The following SLC44A1 variants were observed in gnomAD, a reference collection of about 807,000 sequenced individuals.
SLC44A1 encodes the protein choline transporter-like protein 1.
SLC44A1 carries 26 observed loss-of-function variants against 79.3 expected under a neutral mutation model. The observed-to-expected ratio is 0.33, with a 90% CI of 0.24 to 0.46. The LOEUF (loss-of-function observed/expected upper bound fraction) is 0.46. SLC44A1 is among the 20% of genes least tolerant of loss of function. The pLI, the probability that SLC44A1 is intolerant of heterozygous loss-of-function variation, is 1.00. For missense variants in SLC44A1, 688 were observed against 798.1 expected (o/e 0.86, Z 1.66); for synonymous variants, 263 against 286.2 (o/e 0.92, Z 0.82).
chr9:105,366,412 C>A lies in SLC44A1; in HGVS notation c.1477C>A (p.Leu493Ile). 1.3e-6 allele frequency: 2 copies of A among 1,505,178 alleles called. No homozygotes were observed. The highest frequency in any genetic ancestry group is 1.3e-5 in the South Asian group (1 of 76,494). The allele number at this position is 1,505,178 out of a possible 1,614,324, so 93.2% of individuals were successfully genotyped here. Residue 493 changes from leucine (L) to isoleucine (I), a missense_variant, in exon 12 of 16, where the codon CTA becomes ATA. Physicochemically the swap from Leu to Ile is conservative, Grantham distance 5 (BLOSUM62 2). Coordinates refer to ENST00000374720, the MANE Select transcript of SLC44A1 (RefSeq NM_080546.5). ...TTGCCTTTGGTGTCTTGAAAAGTGC[C>A]TAAATTATTTAAATCAGGTAAAATA... is the stretch of plus-strand genomic sequence containing the variant. ...ICCLWCLEKCLNYLNQNAYTA... is the reference protein window; with the variant it reads ...ICCLWCLEKCINYLNQNAYTA...
chr9:105,389,380 T>C lies in SLC44A1; in HGVS notation c.*324T>C. On this transcript the variant is annotated 3_prime_UTR_variant, in exon 16 of 16. Transcript: ENST00000374720. The stretch of plus-strand genomic sequence containing the variant: ...TATCTGATTAACATTTTTAATAACT[T>C]AGAGGAGATTTTAACTTTATTTAAA... 2 of 1,068,880 alleles carry C rather than the reference T, an allele frequency of 1.9e-6. No homozygotes were observed. The highest frequency in any genetic ancestry group is 1.1e-6 in the Non-Finnish European group (1 of 881,932). The allele number at this position is 1,068,880 out of a possible 1,614,324, so 66.2% of individuals were successfully genotyped here.
intron 1 of SLC44A1, among the ~76,000 whole-genome samples, chr9:105,281,304 G>A (rs1450336430): frequency 1.3e-5 from 2 of 152,140 alleles, no homozygotes; most frequent in African/African-American, 2.4e-5. Context: ...TTTTCTTTCC[G>A]AAACCTATGA....
Position 105,304,944 on chromosome 9 carries a change from G to GTTTTTTTTTGTTTTTTTTTTTTT in SLC44A1, c.127-4771_127-4770insGTTTTTTTTTTTTTTTTTTTTTT, listed in dbSNP as rs1554790127. ...GTAGTTATTCCCTAGACTTTCTATCGTTTTTTTTTTTTTTTTTTTTTTTTT... is the reference window on the plus strand; with the variant it reads ...GTAGTTATTCCCTAGACTTTCTATCGTTTTTTTTTGTTTTTTTTTTTTTTTTTTTTTTTTTTTTTTTTTTTTTT... On this transcript the variant is annotated intron_variant, in intron 2 of 15. Transcript: ENST00000374720. Among the ~76,000 whole-genome samples the GTTTTTTTTTGTTTTTTTTTTTTT allele has an allele frequency of 3.5e-4, 7 of 20,086 alleles. 3 individuals carry two copies. Among genetic ancestry groups the GTTTTTTTTTGTTTTTTTTTTTTT allele is most frequent in the South Asian group, 4.8e-3 (2 of 414 alleles). 13.2% of individuals were successfully genotyped at this position (20,086 alleles called of 152,430 possible).
chr9:105,350,786 G>A (rs966698585), intron 5 of SLC44A1, among the ~76,000 whole-genome samples: 1 of 152,158 alleles, frequency 6.6e-6, no homozygotes, highest in Non-Finnish European at 1.5e-5. Context: ...TGTGTGCTTG[G>A]CACTTGACTT....
chr9:105,334,039 T>G, intron 3 of SLC44A1, among the ~76,000 whole-genome samples: 1 of 152,108 alleles, frequency 6.6e-6, no homozygotes, highest in East Asian at 1.9e-4. Flanking sequence ...GAAGGGAGAA[T>G]TAGTAAGAGA....
intron 15 of SLC44A1, among the ~76,000 whole-genome samples, chr9:105,402,725 A>AT (rs1828973921): frequency 6.6e-6 from 1 of 152,156 alleles, no homozygotes; most frequent in South Asian, 2.1e-4. Flanking sequence ...CTACATTGTC[A>AT]TGCTAACCAT....
Position 105,387,819 on chromosome 9 carries a change from C to T in SLC44A1, c.1951-1214C>T, listed in dbSNP as rs1368885594. 4.6e-5 allele frequency among the ~76,000 whole-genome samples: 7 copies of T among 152,126 alleles called. 1 individual carries two copies. The South Asian group carries it at 1.4e-3, about 32-fold the overall frequency. On this transcript the variant is annotated intron_variant, in intron 15 of 15. Transcript: ENST00000374720. ...GTAGATCAGAATGCAAGTATACTTT[C>T]CTTACCTAAACTCCTAATTTATAGG... is the stretch of plus-strand genomic sequence containing the variant.
chr9:105,353,494 G>A (rs1307822352), intron 5 of SLC44A1, among the ~76,000 whole-genome samples: 1 of 152,074 alleles, frequency 6.6e-6, no homozygotes, highest in African/African-American at 2.4e-5. Context: ...ATCGATTTAT[G>A]GGTGCCCTCT....
In SLC44A1 at chr9:105,261,775, C is replaced by CTTT. The variant is rs35530318; in HGVS notation, c.36+16891_36+16893dup. 1.4e-3 allele frequency among the ~76,000 whole-genome samples: 155 copies of CTTT among 111,652 alleles called. 3 individuals carry two copies. The highest frequency in any genetic ancestry group is 0.011 in the Middle Eastern group (2 of 176). The allele number at this position is 111,652 out of a possible 152,430, so 73.2% of individuals were successfully genotyped here. On this transcript the variant is annotated intron_variant, in intron 1 of 15. Transcript: ENST00000374720. ...GCTGAATCTGTGTTTCTCTCTCTCTCTTTTTTTTTTTTTTTTTTTTTTGAG... is the reference window on the plus strand; with the variant it reads ...GCTGAATCTGTGTTTCTCTCTCTCTCTTTTTTTTTTTTTTTTTTTTTTTTTGAG...
intron 1 of SLC44A1, among the ~76,000 whole-genome samples, chr9:105,268,676 A>G (rs1564405141): frequency 6.6e-6 from 1 of 151,814 alleles, no homozygotes; most frequent in Non-Finnish European, 1.5e-5. Flanking sequence ...AATTTTTTGT[A>G]TTTAGTAGAG....
At chr9:105,261,320 G>A (rs1415676499) in intron 1 of SLC44A1, among the ~76,000 whole-genome samples, 4 of 152,026 alleles carry the variant, frequency 2.6e-5, no homozygotes, top group East Asian at 1.9e-4. Context: ...CTGCCACACC[G>A]CCTTCCCCCA....
At chr9:105,435,001 A>AC (rs1451824973) in intron 15 of SLC44A1, among the ~76,000 whole-genome samples, 1 of 152,028 alleles carries the variant, frequency 6.6e-6, no homozygotes, top group East Asian at 1.9e-4. Flanking sequence ...AAAAAATGTA[A>AC]CCAGGTGTGG....
chr9:105,356,000 C>T, intron 5 of SLC44A1: 4 of 546,042 alleles, frequency 7.3e-6, no homozygotes, highest in South Asian at 7.0e-5. Context: ...ACATGCACTC[C>T]ACCCTCTTTG....
intron 1 of SLC44A1, among the ~76,000 whole-genome samples, chr9:105,259,587 C>G (rs1432515691): frequency 6.6e-6 from 1 of 152,154 alleles, no homozygotes; most frequent in Non-Finnish European, 1.5e-5. Flanking sequence ...AGTTTTATTC[C>G]TTGCTTGCTA....
intron 1 of SLC44A1, among the ~76,000 whole-genome samples, chr9:105,260,766 A>G (rs367609657): frequency 2.0e-5 from 3 of 152,182 alleles, no homozygotes; most frequent in African/African-American, 7.2e-5. Flanking sequence ...AAGGGGAGCT[A>G]TGATCTGCAC....
chr9:105,286,197 T>C (rs1290350997), intron 1 of SLC44A1, among the ~76,000 whole-genome samples: 1 of 152,240 alleles, frequency 6.6e-6, no homozygotes, highest in African/African-American at 2.4e-5. Context: ...TTTTCCCTCC[T>C]TTTTTCCACA....
intron 8 of SLC44A1, 57 bp downstream of exon 8, chr9:105,361,387 T>C (rs1400584927): frequency 4.0e-6 from 6 of 1,489,588 alleles, no homozygotes; most frequent in Non-Finnish European, 5.4e-6. Context: ...CAGGAGATCA[T>C]TAATGGAGCA....
chr9:105,265,961 G>T (rs891565706), intron 1 of SLC44A1, among the ~76,000 whole-genome samples: 4 of 149,214 alleles, frequency 2.7e-5, no homozygotes, highest in Admixed American at 2.7e-4. Context: ...CTCTTTCTCT[G>T]TGTGTGTGTG....
At chr9:105,397,934 C>G (rs1377988183), downstream of SLC44A1, among the ~76,000 whole-genome samples, 1 of 151,090 alleles carries the variant, frequency 6.6e-6, no homozygotes, top group Non-Finnish European at 1.5e-5. Context: ...GGGGTCATAG[C>G]GAGACTCGGT....
Sources: allele counts gnomAD v4.1 joint callset (sites outside exome capture counted in the v4.1 genomes callset), GRCh38; gene constraint gnomAD v4.1.1; transcripts MANE v1.5; gene names NCBI Gene and HGNC (gene_info 2026-07-23, HGNC 2026-07-21).